Variants in WDR19 observed in about 807,000 individuals in gnomAD.
WDR19 encodes WD repeat-containing protein 19.
WDR19 carries 121 observed loss-of-function variants against 180.0 expected under a neutral mutation model. The ratio of observed to expected loss-of-function variants is 0.67; its 90% CI spans 0.58 to 0.78. WDR19 has a LOEUF of 0.78. Ranked by LOEUF, WDR19 falls within the 30% of genes least tolerant of loss-of-function variation. The probability of loss-of-function intolerance (pLI) is 0.00; values close to 1 mark genes in which losing one functional copy is unlikely to be tolerated. For missense variants in WDR19, 1,450 were observed against 1,640.7 expected, an observed-to-expected ratio of 0.88 and a Z score of 2.01; for synonymous variants, 497 against 540.7, an observed-to-expected ratio of 0.92 and a Z score of 1.12.
At chr4:39,271,072 T>C (rs939942457) in intron 31 of WDR19, among the ~76,000 whole-genome samples, 12 of 151,968 alleles carry the variant, frequency 7.9e-5, no homozygotes, top group African/African-American at 2.9e-4. Flanking sequence ...TTTTTTTGTA[T>C]TTTTAATAGA....
chr4:39,191,395 T>G (rs747273359), intron 4 of WDR19, among the ~76,000 whole-genome samples: 1 of 152,208 alleles, frequency 6.6e-6, no homozygotes, highest in Non-Finnish European at 1.5e-5. Flanking sequence ...TTTATAAAAT[T>G]TATCTGAAGT....
chr4:39,197,480 C>T (rs779469969), intron 5 of WDR19, among the ~76,000 whole-genome samples: 4 of 150,498 alleles, frequency 2.7e-5, no homozygotes, highest in Non-Finnish European at 5.9e-5. Context: ...AAGTAACTTA[C>T]GCAAGGTTTT....
At position 39,254,394 on chromosome 4, in the gene WDR19, A is replaced by T. The variant is rs1248155846; in HGVS notation, c.3001+364A>T. ...TTTTGAAAATGTAAATATTTTCATT[A>T]AAAAATTGAGTTACAAATTAAGAAA... On this transcript the variant is annotated intron_variant, in intron 26 of 36. Coordinates refer to ENST00000399820, the MANE Select transcript of WDR19 (RefSeq NM_025132.4). Among the ~76,000 whole-genome samples, 4 of 152,228 alleles carry T rather than the reference A, an allele frequency of 2.6e-5. No individual in the cohort carries two copies. In the South Asian group the frequency reaches 8.3e-4, roughly 32 times the overall value.
chr4:39,269,885 A>G, intron 30 of WDR19, 91 bp from the exon 31 acceptor site: 9 of 1,499,786 alleles, frequency 6.0e-6, no homozygotes, highest in Non-Finnish European at 8.2e-6. Flanking sequence ...TAATAACAAG[A>G]TTAACAAAAT....
chr4:39,244,649 C>T, intron 23 of WDR19, 97 bp downstream of exon 23: 2 of 1,297,224 alleles, frequency 1.5e-6, no homozygotes, highest in Non-Finnish European at 2.2e-6. Flanking sequence ...TCTCTCTGTC[C>T]ATTCTGTTCC....
rs1727198443 is a variant in WDR19, at chr4:39,199,906, A to G, written c.522+313A>G. Among the ~76,000 whole-genome samples the G allele has an allele frequency of 2.0e-5, 3 of 152,348 alleles. No individual in the cohort carries two copies. In the South Asian group the frequency reaches 6.2e-4, roughly 32 times the overall value. ...TATTTTATATATGTGTATTTATAAT[A>G]CAAATGTTAATAACTGGTAGATCTT... On this transcript the variant is annotated intron_variant, in intron 6 of 36. Transcript: ENST00000399820.
chr4:39,199,416 G>A (rs1391653799), intron 5 of WDR19, 62 bp from the exon 6 acceptor site: 5 of 1,235,504 alleles, frequency 4.0e-6, no homozygotes, highest in Non-Finnish European at 3.5e-6. Flanking sequence ...ATTCAGATTG[G>A]CATCACAGAT....
intron 36 of WDR19, among the ~76,000 whole-genome samples, chr4:39,281,323 C>G (rs1736518097): frequency 6.6e-6 from 1 of 151,038 alleles, no homozygotes; most frequent in African/African-American, 2.4e-5. Flanking sequence ...TCTAGATCTG[C>G]AATTTATCTT....
intron 5 of WDR19, 149 bp from the exon 6 acceptor site, chr4:39,199,329 C>T (rs551935353): frequency 2.6e-5 from 16 of 611,124 alleles, no homozygotes; most frequent in East Asian, 2.0e-4. Flanking sequence ...TGGTAATAAA[C>T]TGTTTTAAAT....
At chr4:39,190,046 A>G (rs1052181579) in intron 4 of WDR19, among the ~76,000 whole-genome samples, 1 of 152,246 alleles carries the variant, frequency 6.6e-6, no homozygotes, top group Non-Finnish European at 1.5e-5. Context: ...AAATCCAGAG[A>G]TGGGCTTGAC....
intron 5 of WDR19, among the ~76,000 whole-genome samples, chr4:39,195,649 C>A (rs114251276): frequency 3.5e-4 from 54 of 152,270 alleles, no homozygotes; most frequent in African/African-American, 1.2e-3. Flanking sequence ...ATTATTGTAA[C>A]ATCATTGTGA....
intron 33 of WDR19, 76 bp downstream of exon 33, chr4:39,275,034 A>G: frequency 6.4e-7 from 1 of 1,551,400 alleles, no homozygotes; most frequent in Non-Finnish European, 8.7e-7. Flanking sequence ...GCCAGTGTGC[A>G]AGCTCAATAA....
chr4:39,262,574 C>T (rs532473704), intron 28 of WDR19, among the ~76,000 whole-genome samples: 30 of 152,184 alleles, frequency 2.0e-4, no homozygotes, highest in African/African-American at 7.2e-4. Context: ...TAGTTCAGGG[C>T]TCCGCTTCCT....
intron 36 of WDR19, among the ~76,000 whole-genome samples, chr4:39,283,855 CTGTCTT>C (rs1736845762): frequency 6.6e-6 from 1 of 152,056 alleles, no homozygotes; most frequent in African/African-American, 2.4e-5. Flanking sequence ...GACTTCTTCT[CTGTCTT>C]TATTTTCCTT....
chr4:39,200,666 C>G (rs1206841695), intron 6 of WDR19, among the ~76,000 whole-genome samples: 1 of 152,190 alleles, frequency 6.6e-6, no homozygotes, highest in African/African-American at 2.4e-5. Flanking sequence ...GAAGCTGCAT[C>G]TCTTTATAAC....
intron 21 of WDR19, among the ~76,000 whole-genome samples, chr4:39,240,676 A>G (rs6825927): frequency 0.3 from 45,563 of 151,978 alleles, 6,885 homozygotes; most frequent in African/African-American, 0.33. Flanking sequence ...AGTAGGCTGG[A>G]CGCGGTGGCT....
At chr4:39,245,267 A>T in intron 23 of WDR19, 102 bp from the exon 24 acceptor site, 1 of 950,838 alleles carries the variant, frequency 1.1e-6, no homozygotes, top group Non-Finnish European at 1.5e-6. Context: ...GAAAGATAGT[A>T]ATAACTGGTT....
chr4:39,245,520 T>C (rs1383327986), intron 24 of WDR19, 68 bp downstream of exon 24: 8 of 1,494,380 alleles, frequency 5.4e-6, no homozygotes, highest in Non-Finnish European at 7.3e-6. Flanking sequence ...ACCATTGATA[T>C]TTGCAACCCT....
intron 33 of WDR19, 69 bp from the exon 34 acceptor site, chr4:39,276,951 G>A: frequency 6.3e-7 from 1 of 1,592,246 alleles, no homozygotes; most frequent in Non-Finnish European, 8.6e-7. Flanking sequence ...TTCCAAATAT[G>A]CTTTCTCTTT....
Sources: gnomAD v4.1 joint callset for allele counts (sites outside exome capture counted in the v4.1 genomes callset) on GRCh38, gnomAD v4.1.1 for gene constraint, MANE v1.5 for transcripts, NCBI Gene and HGNC (gene_info 2026-07-23, HGNC 2026-07-21) for gene names.